CD22: variants seen among roughly 807,000 people sequenced by gnomAD.
CD22 encodes the protein CD22 molecule.
In CD22, 51 loss-of-function variants were observed where a neutral mutation model predicts 94.7. The ratio of observed to expected loss-of-function variants is 0.54; its 90% CI spans 0.43 to 0.68. The LOEUF (loss-of-function observed/expected upper bound fraction) is 0.68, where lower values mean the gene tolerates loss of function less well. Among genes scored for constraint, CD22 ranks in the 30% least tolerant of loss-of-function variants. The pLI, the probability that CD22 is intolerant of heterozygous loss-of-function variation, is 0.00. For missense variants in CD22, 931 were observed against 1,060.4 expected, an observed-to-expected ratio of 0.88 and a Z score of 1.69; for synonymous variants, 424 against 422.5, an observed-to-expected ratio of 1.00 and a Z score of -0.04.
At chr19:35,345,235 T>G in intron 11 of CD22, 109 bp downstream of exon 11, 1 of 888,098 alleles carries the variant, frequency 1.1e-6, no homozygotes, top group Non-Finnish European at 1.9e-6. Flanking sequence ...GTAGCCAACA[T>G]GGTGAAACCC....
chr19:35,332,683 C>T lies in CD22; in HGVS notation c.171C>T (p.Ile57=), dbSNP rs2145647514. Residue 57 remains isoleucine, a synonymous_variant, in exon 3 of 14, where the codon ATC becomes ATT. Coordinates refer to ENST00000085219, the MANE Select transcript of CD22 (RefSeq NM_001771.4). ...TAGATGGTGACCTGGAAAGCTTCAT[C>T]CTGTTCCACAATCCTGAGTATAACA... ...RALDGDLESF[I]LFHNPEYNKN... 1.2e-6 allele frequency: 2 copies of T among 1,614,092 alleles called. No individual in the cohort carries two copies. Among genetic ancestry groups the T allele is most frequent in the Admixed American group, 1.7e-5 (1 of 60,006 alleles).
chr19:35,330,644 G>A (rs534184800), intron 1 of CD22: 5 of 152,302 alleles, frequency 3.3e-5, no homozygotes, highest in Admixed American at 6.5e-5. Context: ...ACATTGATGC[G>A]TGTGAAATGT....
In CD22 at chr19:35,336,360, C is replaced by T. The variant is rs750795284; in HGVS notation, c.718+19C>T. 3.1e-6 allele frequency: 5 copies of T among 1,609,166 alleles called. No homozygotes were observed. The South Asian group carries it at 4.4e-5, about 14-fold the overall frequency. Reference sequence around the variant, plus strand: ...GTGAAGCGTGAGTCTCCCCGGCATGCCTGTGGGAAGGGCAAGGTCTGTGTC... The same window carrying T: ...GTGAAGCGTGAGTCTCCCCGGCATGTCTGTGGGAAGGGCAAGGTCTGTGTC... On this transcript the variant is annotated intron_variant, in intron 4 of 13. Coordinates refer to ENST00000085219, the MANE Select transcript of CD22 (RefSeq NM_001771.4).
At chr19:35,338,610 T>C (rs7251526) in intron 6 of CD22, among the ~76,000 whole-genome samples, 179 bp downstream of exon 6, 121,431 of 151,830 alleles carry the variant, frequency 0.8, 49,380 homozygotes, top group African/African-American at 0.94. Flanking sequence ...GGAGGGTGCT[T>C]GGTAGATGCT....
chr19:35,346,982 T>C lies in CD22; in HGVS notation c.*285T>C. The C allele has an allele frequency of 1.6e-5, 5 of 312,302 alleles. No homozygotes were observed. Among genetic ancestry groups the C allele is most frequent in the South Asian group, 9.5e-5 (2 of 20,958 alleles). 19.3% of individuals were successfully genotyped at this position (312,302 alleles called of 1,614,324 possible). On this transcript the variant is annotated 3_prime_UTR_variant, in exon 14 of 14. Transcript: ENST00000085219. ...AAATACCTGCCCTGACATGCACACC[T>C]CCCCCTGCCCCCACCACGGCCACTG...
intron 11 of CD22, chr19:35,345,340 G>C: frequency 1.8e-6 from 1 of 550,802 alleles, no homozygotes; most frequent in South Asian, 2.0e-5. Flanking sequence ...AGAATCGCTT[G>C]AACCTGGGAG....
chr19:35,329,772 C>T lies in CD22; in HGVS notation c.-23+542C>T, dbSNP rs17776004. The T allele has an allele frequency of 6.0e-3, 924 of 154,790 alleles. 41 individuals are homozygous for T. The East Asian group carries it at 0.1, about 17-fold the overall frequency. 9.6% of individuals were successfully genotyped at this position (154,790 alleles called of 1,614,324 possible). A position where few individuals can be genotyped will look rare whatever the true frequency, so the allele number is the denominator to read the frequency against. On this transcript the variant is annotated intron_variant, in intron 1 of 13. Transcript: ENST00000085219. The stretch of plus-strand genomic sequence containing the variant: ...TGCTGGCAGAGGAGGGACAATGGCC[C>T]GGCTCCTGGAGGCAAGTGTTGGCTG...
chr19:35,344,533 C>T (rs2066870243), intron 9 of CD22, among the ~76,000 whole-genome samples: 1 of 152,228 alleles, frequency 6.6e-6, no homozygotes, highest in Non-Finnish European at 1.5e-5. Context: ...CAGAGCTGAT[C>T]ACACAGCTAT....
rs202213388 is a variant in CD22 at position 35,336,109 on chromosome 19, G to T, written c.486G>T (p.Leu162Phe). Residue 162 changes from leucine (L) to phenylalanine (F), a missense_variant, in exon 4 of 14, where the codon TTG (leucine) becomes TTT (phenylalanine). By Grantham distance (22) the Leu-to-Phe change is conservative (BLOSUM62 0). Coordinates refer to ENST00000085219, the MANE Select transcript of CD22 (RefSeq NM_001771.4). ...QESQEVTLTC[L>F]LNFSCYGYPI... Reference sequence around the variant, plus strand: ...CCCAGGAAGTCACTCTGACCTGCTTGCTGAATTTCTCCTGCTATGGGTATC... The same window carrying T: ...CCCAGGAAGTCACTCTGACCTGCTTTCTGAATTTCTCCTGCTATGGGTATC... 48 of 1,614,002 alleles carry T rather than the reference G, an allele frequency of 3.0e-5. No homozygotes were observed. Among genetic ancestry groups the T allele is most frequent in the Middle Eastern group, 1.6e-4 (1 of 6,084 alleles).
chr19:35,343,082 G>C (rs2066842713), intron 9 of CD22, among the ~76,000 whole-genome samples: 1 of 151,050 alleles, frequency 6.6e-6, no homozygotes. Context: ...ACAGGCGTGA[G>C]CCACCGCACC....
chr19:35,336,784 A>C, intron 4 of CD22: 1 of 179,912 alleles, frequency 5.6e-6, no homozygotes, highest in African/African-American at 2.4e-5. Context: ...CAGACAACAA[A>C]TGGATTACCA....
At chr19:35,330,568 A>G (rs1294186601) in intron 1 of CD22, 2 of 152,260 alleles carry the variant, frequency 1.3e-5, no homozygotes, top group Non-Finnish European at 2.9e-5. Context: ...CACACCCATG[A>G]ACAGATACCC....
intron 3 of CD22, 145 bp from the exon 4 acceptor site, chr19:35,335,891 C>A (rs918823842): frequency 1.3e-5 from 9 of 680,588 alleles, no homozygotes; most frequent in Non-Finnish European, 1.0e-5. Context: ...ACAATAACAA[C>A]AAAAAAACAA....
rs2066651769 is a variant in CD22, at chr19:35,331,977, T to C, written c.-22-42T>C. On this transcript the variant is annotated intron_variant, in intron 1 of 13. Transcript: ENST00000085219. Reference sequence around the variant, plus strand: ...AGCAAGAAAAGCCACGTGGAAGAAGTAAGCGGCCAGATGGCTCAAAGACAA... The same window carrying C: ...AGCAAGAAAAGCCACGTGGAAGAAGCAAGCGGCCAGATGGCTCAAAGACAA... The C allele has an allele frequency of 3.1e-6, 5 of 1,613,092 alleles. No individual in the cohort carries two copies. The South Asian group carries it at 5.5e-5, about 18-fold the overall frequency.
rs751436552 is a variant in CD22 at position 35,341,354 on chromosome 19, G to T, written c.1519G>T (p.Asp507Tyr). 3.1e-6 allele frequency: 5 copies of T among 1,613,696 alleles called. No individual in the cohort carries two copies. Among genetic ancestry groups the T allele is most frequent in the Non-Finnish European group, 2.5e-6 (3 of 1,179,766 alleles). ...CCCTTGCCCTCCAGATGCCCCCCGA[G>T]ACGTGAGGGTCCGGAAAATCAAGCC... ...VALNVQYAPR[D>Y]VRVRKIKPLS... Residue 507 changes from aspartate to tyrosine, a missense_variant, in exon 8 of 14, where the codon GAC (aspartate) becomes TAC (tyrosine). By Grantham distance (160) the Asp-to-Tyr change is radical. Transcript: ENST00000085219. The surrounding 1 kb of genome is among the most constrained non-coding windows in gnomAD (Gnocchi z 4.0).
intron 12 of CD22, among the ~76,000 whole-genome samples, 198 bp from the exon 13 acceptor site, chr19:35,345,953 C>T (rs146577253): frequency 4.1e-4 from 63 of 152,294 alleles, no homozygotes; most frequent in African/African-American, 1.3e-3. Flanking sequence ...AGATCAAGAC[C>T]TCATGATACA....
intron 13 of CD22, 28 bp from the exon 14 acceptor site, chr19:35,346,538 C>CA: frequency 6.3e-7 from 1 of 1,584,734 alleles, no homozygotes; most frequent in Non-Finnish European, 8.6e-7. Context: ...ACAGTGGGGC[C>CA]AGGCTAACCA....
In CD22 at chr19:35,346,886, G is replaced by C. The variant is rs2066917595; in HGVS notation, c.*189G>C. ...GGCTCAGAGCCAGTCTTTTTGGTGA[G>C]GGTAACCCCAAACCTCCAAAACTCC... On this transcript the variant is annotated 3_prime_UTR_variant, in exon 14 of 14. Transcript: ENST00000085219. 3 of 607,626 alleles carry C rather than the reference G, an allele frequency of 4.9e-6. No homozygotes were observed. The highest frequency in any genetic ancestry group is 4.3e-5 in the South Asian group (2 of 46,752). The allele number at this position is 607,626 out of a possible 1,614,324, so 37.6% of individuals were successfully genotyped here.
rs745695651 is a variant in CD22 at position 35,338,421 on chromosome 19, G to T, written c.1239G>T (p.Leu413=). ...GACAGAGGGGCCCGGGAGCTGAGCT[G>T]GATGTCCAGTGTGAGTAGCCACGGA... ...GTGQRGPGAE[L]DVQYPPKKVT... is the part of the protein sequence containing the mutation. The change falls in exon 6 of 14, where the codon CTG becomes CTT. Residue 413 remains leucine (L), a synonymous_variant. Coordinates refer to ENST00000085219, the MANE Select transcript of CD22 (RefSeq NM_001771.4). 4.9e-5 allele frequency: 79 copies of T among 1,612,796 alleles called. No homozygotes were observed. Among genetic ancestry groups the T allele is most frequent in the Non-Finnish European group, 6.6e-5 (78 of 1,179,038 alleles).
Sources: gnomAD v4.1 joint callset for allele counts (sites outside exome capture counted in the v4.1 genomes callset) on GRCh38, gnomAD v4.1.1 for gene constraint, Gnocchi (gnomAD v3.1) non-coding constraint, MANE v1.5 for transcripts, NCBI Gene and HGNC (gene_info 2026-07-23, HGNC 2026-07-21) for gene names.